Variants in RHOT1 observed in about 807,000 individuals in gnomAD.
The protein encoded by RHOT1 is mitochondrial Rho GTPase 1.
A neutral mutation model predicts 95.3 loss-of-function variants in RHOT1; 27 were observed. That is an observed-to-expected ratio of 0.28 (90% CI 0.21 to 0.39). The LOEUF (loss-of-function observed/expected upper bound fraction) is 0.39, where lower values mean the gene tolerates loss of function less well. RHOT1 is among the 10% of genes least tolerant of loss of function. The pLI, the probability that RHOT1 is intolerant of heterozygous loss-of-function variation, is 1.00. For synonymous variants in RHOT1, 227 were observed against 263.5 expected (o/e 0.86, Z 1.34); for missense variants, 578 against 786.7 (o/e 0.73, Z 3.17).
intron 17 of RHOT1, 120 bp from the exon 18 acceptor site, chr17:32,207,987 C>T: frequency 1.2e-6 from 1 of 821,948 alleles, no homozygotes; most frequent in Non-Finnish European, 1.9e-6. Context: ...TTTTGGTTCA[C>T]TTTTTCGCTT....
intron 3 of RHOT1, among the ~76,000 whole-genome samples, chr17:32,174,805 C>T (rs1281735665): frequency 6.6e-6 from 1 of 152,184 alleles, no homozygotes; most frequent in Non-Finnish European, 1.5e-5. Context: ...GGCACACCCA[C>T]CCATTGAGAC....
intron 8 of RHOT1, among the ~76,000 whole-genome samples, chr17:32,189,204 C>A (rs1443813570): frequency 6.6e-6 from 1 of 152,060 alleles, no homozygotes; most frequent in African/African-American, 2.4e-5. Flanking sequence ...GAGGCTGAGG[C>A]AGGAGAATGG....
At chr17:32,177,604 A>G (rs1256660319) in intron 6 of RHOT1, among the ~76,000 whole-genome samples, 1 of 151,670 alleles carries the variant, frequency 6.6e-6, no homozygotes, top group East Asian at 2.0e-4. Flanking sequence ...AATACAAAAA[A>G]ATTAGCTGGG....
In RHOT1 at chr17:32,224,830, C is replaced by G; in HGVS notation, c.*97C>G. ...AGAATTATTGAGATATTTATACATG[C>G]AGAGTTACTTTATTAATATTTGTAA... On this transcript the variant is annotated 3_prime_UTR_variant, in exon 20 of 20. Coordinates refer to ENST00000545287, the MANE Select transcript of RHOT1 (RefSeq NM_001033566.3). 1.5e-6 allele frequency: 1 copy of G among 688,018 alleles called. No homozygotes were observed. The highest frequency in any genetic ancestry group is 2.5e-6 in the Non-Finnish European group (1 of 403,744). 42.6% of individuals were successfully genotyped at this position (688,018 alleles called of 1,614,324 possible).
chr17:32,199,361 TTA>T (rs1567710577), intron 12 of RHOT1, 42 bp from the exon 13 acceptor site: 7 of 1,565,198 alleles, frequency 4.5e-6, no homozygotes, highest in Non-Finnish European at 5.2e-6. Flanking sequence ...TTGGGAATTA[TTA>T]TCTTAGATAT....
At chr17:32,207,989 T>G in intron 17 of RHOT1, 118 bp from the exon 18 acceptor site, 1 of 836,228 alleles carries the variant, frequency 1.2e-6, no homozygotes, top group Non-Finnish European at 1.9e-6. Flanking sequence ...TTGGTTCACT[T>G]TTTCGCTTTG....
chr17:32,204,140 G>A (rs992727374), intron 16 of RHOT1, among the ~76,000 whole-genome samples, 167 bp downstream of exon 16: 6 of 151,840 alleles, frequency 4.0e-5, no homozygotes, highest in Non-Finnish European at 7.4e-5. Context: ...TTGCCCTGGC[G>A]AGCTCTTGGG....
At chr17:32,177,434 G>A (rs1457868569) in intron 6 of RHOT1, among the ~76,000 whole-genome samples, 1 of 152,056 alleles carries the variant, frequency 6.6e-6, no homozygotes, top group African/African-American at 2.4e-5. Flanking sequence ...GCTTTTGCTT[G>A]CGCCATTTCT....
chr17:32,142,840 C>G, intron 1 of RHOT1, 111 bp downstream of exon 1: 1 of 933,864 alleles, frequency 1.1e-6, no homozygotes, highest in Non-Finnish European at 1.6e-6. Flanking sequence ...CGGCCCTTCT[C>G]GCGCCTCACA....
intron 15 of RHOT1, 80 bp from the exon 16 acceptor site, chr17:32,203,810 C>A: frequency 1.0e-6 from 1 of 953,280 alleles, no homozygotes; most frequent in South Asian, 1.3e-5. Context: ...TATAACACAC[C>A]TGCACATATA....
Position 32,164,303 on chromosome 17 carries a change from G to A in RHOT1, c.38-6740G>A, listed in dbSNP as rs188538269. On this transcript the variant is annotated intron_variant, in intron 1 of 19. Transcript: ENST00000545287. ...GGCTGGAGTGCAGTGGCGCCGTCTTGGCTCACTGCAGCCTCTGCCTCCCGG... is the reference window on the plus strand; with the variant it reads ...GGCTGGAGTGCAGTGGCGCCGTCTTAGCTCACTGCAGCCTCTGCCTCCCGG... Among the ~76,000 whole-genome samples the A allele has an allele frequency of 1.1e-3, 174 of 151,798 alleles. 2 individuals carry two copies. The highest frequency in any genetic ancestry group is 3.9e-3 in the African/African-American group (160 of 41,446).
At chr17:32,154,574 A>G in intron 1 of RHOT1, among the ~76,000 whole-genome samples, 1 of 143,622 alleles carries the variant, frequency 7.0e-6, no homozygotes, top group Admixed American at 7.0e-5. Flanking sequence ...GCGACAGAGC[A>G]AGGCTCCATC....
At chr17:32,193,713 A>G (rs2036663654) in intron 10 of RHOT1, among the ~76,000 whole-genome samples, 1 of 151,996 alleles carries the variant, frequency 6.6e-6, no homozygotes, top group African/African-American at 2.4e-5. Context: ...GTAGAACACT[A>G]CTCTCATATA....
At chr17:32,197,864 C>G (rs563037525) in intron 11 of RHOT1, among the ~76,000 whole-genome samples, 56 of 151,394 alleles carry the variant, frequency 3.7e-4, no homozygotes, top group African/African-American at 1.4e-3. Context: ...TGAGCCACCA[C>G]GCCCAGCCAG....
intron 8 of RHOT1, among the ~76,000 whole-genome samples, chr17:32,189,701 T>C (rs982976580): frequency 2.0e-5 from 3 of 152,130 alleles, no homozygotes; most frequent in African/African-American, 7.2e-5. Context: ...CGGAATCTTT[T>C]ATTTAGACAA....
intron 9 of RHOT1, 72 bp downstream of exon 9, chr17:32,192,371 G>A (rs2036553910): frequency 2.5e-6 from 2 of 788,186 alleles, no homozygotes; most frequent in Non-Finnish European, 2.0e-6. Context: ...GCTGTAAAAT[G>A]TGTTAGCTTA....
At chr17:32,177,808 G>A (rs2035137320) in intron 6 of RHOT1, among the ~76,000 whole-genome samples, 1 of 149,142 alleles carries the variant, frequency 6.7e-6, no homozygotes, top group Non-Finnish European at 1.5e-5. Flanking sequence ...AGCCCCCAGT[G>A]ACATCTTTCT....
intron 1 of RHOT1, chr17:32,151,186 A>T (rs949717308): frequency 5.6e-5 from 43 of 767,342 alleles, no homozygotes; most frequent in Middle Eastern, 2.5e-4. Flanking sequence ...GTTTCTCCTG[A>T]AGATTTCTGT....
intron 3 of RHOT1, 82 bp downstream of exon 3, chr17:32,173,994 G>A: frequency 1.1e-6 from 1 of 947,204 alleles, no homozygotes; most frequent in Non-Finnish European, 1.7e-6. Context: ...TTTTACAAAT[G>A]TTCAGAGAGG....
Sources: allele counts gnomAD v4.1 joint callset (sites outside exome capture counted in the v4.1 genomes callset), GRCh38; gene constraint gnomAD v4.1.1; transcripts MANE v1.5; gene names NCBI Gene and HGNC (gene_info 2026-07-23, HGNC 2026-07-21).